The following SPOP variants were observed in gnomAD, a reference collection of about 807,000 sequenced individuals.
The protein encoded by SPOP is speckle-type POZ protein.
SPOP carries 11 observed loss-of-function variants against 45.6 expected under a neutral mutation model. The ratio of observed to expected loss-of-function variants is 0.24; its 90% CI spans 0.15 to 0.40. The LOEUF (loss-of-function observed/expected upper bound fraction) is 0.40, where lower values mean the gene tolerates loss of function less well. Among genes scored for constraint, SPOP ranks in the 10% least tolerant of loss-of-function variants. The pLI, the probability that SPOP is intolerant of heterozygous loss-of-function variation, is 1.00. For missense variants in SPOP, 152 were observed against 465.6 expected (o/e 0.33, Z 6.20); for synonymous variants, 166 against 166.3 (o/e 1.00, Z 0.01).
chr17:49,656,156 C>T (rs759186376), intron 1 of SPOP, among the ~76,000 whole-genome samples: 8 of 152,128 alleles, frequency 5.3e-5, no homozygotes, highest in Non-Finnish European at 8.8e-5. Flanking sequence ...CCAGAAAGAA[C>T]TTCAGAAACC....
chr17:49,611,815 T>C (rs1434599702), intron 5 of SPOP, among the ~76,000 whole-genome samples: 1 of 151,958 alleles, frequency 6.6e-6, no homozygotes, highest in African/African-American at 2.4e-5. Context: ...TTATTCTGCC[T>C]TAAGTTCAAT....
chr17:49,638,912 C>T, intron 1 of SPOP, among the ~76,000 whole-genome samples: 1 of 152,184 alleles, frequency 6.6e-6, no homozygotes, highest in East Asian at 1.9e-4. Flanking sequence ...ACTTGGGAGG[C>T]TGAGACTGGA....
At chr17:49,622,418 G>A in intron 2 of SPOP, 2 of 516,046 alleles carry the variant, frequency 3.9e-6, no homozygotes, top group South Asian at 4.0e-5. Flanking sequence ...TGATGTCACT[G>A]CCTGGGGTTG....
At chr17:49,629,980 T>C (rs755579329) in intron 1 of SPOP, among the ~76,000 whole-genome samples, 1 of 152,210 alleles carries the variant, frequency 6.6e-6, no homozygotes, top group Non-Finnish European at 1.5e-5. Flanking sequence ...TTCAACATAA[T>C]ACACAGCATG....
At chr17:49,612,541 G>C (rs1483281288) in intron 5 of SPOP, among the ~76,000 whole-genome samples, 1 of 152,168 alleles carries the variant, frequency 6.6e-6, no homozygotes, top group Non-Finnish European at 1.5e-5. Context: ...GTTTTAACCA[G>C]TTCAGCCTAG....
intron 1 of SPOP, among the ~76,000 whole-genome samples, chr17:49,659,729 A>G (rs1018250604): frequency 3.9e-5 from 6 of 152,170 alleles, no homozygotes; most frequent in Non-Finnish European, 8.8e-5. Context: ...CTCCACTCAT[A>G]TATCTGCCTA....
At chr17:49,647,773 G>GCCTGGCCCT (rs1227466383) in intron 1 of SPOP, among the ~76,000 whole-genome samples, 2 of 152,140 alleles carry the variant, frequency 1.3e-5, no homozygotes, top group African/African-American at 4.8e-5. Flanking sequence ...GAGCCACTGC[G>GCCTGGCCCT]CCTGGCCCTC....
intron 1 of SPOP, among the ~76,000 whole-genome samples, chr17:49,631,010 T>C (rs1239738135): frequency 6.6e-6 from 1 of 152,218 alleles, no homozygotes; most frequent in Non-Finnish European, 1.5e-5. Flanking sequence ...TGATAACACT[T>C]ACCCAGGGTA....
intron 8 of SPOP, among the ~76,000 whole-genome samples, chr17:49,604,168 A>T (rs754459930): frequency 3.3e-5 from 5 of 152,192 alleles, no homozygotes; most frequent in Non-Finnish European, 7.3e-5. Flanking sequence ...ATCATAATTA[A>T]CTTTATAAAA....
chr17:49,672,286 T>C (rs114023664), intron 1 of SPOP, among the ~76,000 whole-genome samples: 2,134 of 152,298 alleles, frequency 0.014, 65 homozygotes, highest in African/African-American at 0.049. Context: ...AAGATCATTA[T>C]CATGAGGTGA....
rs929452184 is a variant in SPOP at position 49,599,340 on chromosome 17, C to T, written c.*1038G>A. On this transcript the variant is annotated 3_prime_UTR_variant, in exon 10 of 10. Transcript: ENST00000504102. ...AAAAAAAAATTAACATTTGGAAGTT[C>T]TCCCCTGGAGGAAGAGGGGCTAGTC... 1.3e-5 allele frequency: 3 copies of T among 222,770 alleles called. No homozygotes were observed. The highest frequency in any genetic ancestry group is 6.7e-5 in the African/African-American group (3 of 44,704). 13.8% of individuals were successfully genotyped at this position (222,770 alleles called of 1,614,324 possible).
chr17:49,622,149 C>T, intron 2 of SPOP, 82 bp from the exon 3 acceptor site: 2 of 1,509,696 alleles, frequency 1.3e-6, no homozygotes, highest in Non-Finnish European at 9.1e-7. Flanking sequence ...TATCATTTCC[C>T]CTCCCTCCCT....
At chr17:49,657,177 C>T (rs930195671) in intron 1 of SPOP, among the ~76,000 whole-genome samples, 3 of 149,802 alleles carry the variant, frequency 2.0e-5, no homozygotes, top group African/African-American at 7.4e-5. Context: ...GCCTGGGCGA[C>T]AGAGCAAGAC....
Position 49,629,911 on chromosome 17 carries a change from A to C in SPOP, c.-66-7035T>G, listed in dbSNP as rs547950857. Among the ~76,000 whole-genome samples the C allele has an allele frequency of 1.5e-4, 23 of 152,352 alleles. No individual in the cohort carries two copies. In the South Asian group the frequency reaches 4.4e-3, roughly 29 times the overall value. The stretch of plus-strand genomic sequence containing the variant: ...ACAAGATTGTGAAGATATTAGATTG[A>C]ATCATGAAACTGTTGTTTTATATGA... On this transcript the variant is annotated intron_variant, in intron 1 of 9. Coordinates refer to ENST00000504102, the MANE Select transcript of SPOP (RefSeq NM_001007228.2).
chr17:49,648,125 C>T (rs996949403), intron 1 of SPOP, among the ~76,000 whole-genome samples: 1 of 152,162 alleles, frequency 6.6e-6, no homozygotes, highest in African/African-American at 2.4e-5. Flanking sequence ...CATATTTATC[C>T]ATTTTTGTCC....
chr17:49,626,216 C>T (rs1336443826), intron 1 of SPOP, among the ~76,000 whole-genome samples: 1 of 152,082 alleles, frequency 6.6e-6, no homozygotes, highest in Non-Finnish European at 1.5e-5. Flanking sequence ...AACTATAAGC[C>T]CATATGCCTG....
intron 1 of SPOP, among the ~76,000 whole-genome samples, chr17:49,650,040 C>G (rs1242961614): frequency 6.6e-6 from 1 of 151,124 alleles, no homozygotes; most frequent in African/African-American, 2.4e-5. Context: ...TACAGGCATG[C>G]GCCACCATGC....
intron 1 of SPOP, among the ~76,000 whole-genome samples, chr17:49,674,658 A>G (rs1020170516): frequency 6.6e-6 from 1 of 152,248 alleles, no homozygotes; most frequent in Non-Finnish European, 1.5e-5. Context: ...TCACCAGAAT[A>G]ACAGCAGTTT....
chr17:49,647,210 A>G (rs2072772634), intron 1 of SPOP, among the ~76,000 whole-genome samples: 1 of 144,380 alleles, frequency 6.9e-6, no homozygotes, highest in African/African-American at 2.5e-5. Context: ...CGGGAGGCTG[A>G]GGCTGGAGAA....
Sources: gnomAD v4.1 joint callset for allele counts (sites outside exome capture counted in the v4.1 genomes callset) on GRCh38, gnomAD v4.1.1 for gene constraint, MANE v1.5 for transcripts, NCBI Gene and HGNC (gene_info 2026-07-23, HGNC 2026-07-21) for gene names.